Variants in TRAPPC9 observed in about 807,000 individuals in gnomAD.
The protein encoded by TRAPPC9 is IKK2 binding protein.
In TRAPPC9, 83 loss-of-function variants were observed where a neutral mutation model predicts 124.0. The ratio of observed to expected loss-of-function variants is 0.67; its 90% CI spans 0.56 to 0.80. The LOEUF (loss-of-function observed/expected upper bound fraction) is 0.80, where lower values mean the gene tolerates loss of function less well. Among genes scored for constraint, TRAPPC9 ranks in the 30% least tolerant of loss-of-function variants. TRAPPC9 has a pLI of 0.00. For synonymous variants in TRAPPC9, 638 were observed against 617.5 expected (o/e 1.03, Z -0.49); for missense variants, 1,302 against 1,508.3 (o/e 0.86, Z 2.27).
upstream of TRAPPC9, chr8:140,458,321 T>A: frequency 6.4e-7 from 1 of 1,573,766 alleles, no homozygotes; most frequent in South Asian, 1.2e-5. Context: ...ACTTCCTCTG[T>A]GAAGCTCAGG....
chr8:140,043,125 T>C (rs1029223488), intron 17 of TRAPPC9, among the ~76,000 whole-genome samples: 1 of 152,222 alleles, frequency 6.6e-6, no homozygotes, highest in African/African-American at 2.4e-5. Context: ...TGAGGAACGC[T>C]GCTCTAAACC....
Position 139,880,185 on chromosome 8 carries a change from C to T in TRAPPC9, c.3055+5694G>A, listed in dbSNP as rs1229691810. ...AGATGCCATTCAACTCAGCTGAGGT[C>T]CCTGCAGGCTTTCACTGTGATCTTG... On this transcript the variant is annotated intron_variant, in intron 21 of 22. Transcript: ENST00000438773. Among the ~76,000 whole-genome samples, 12 of 152,226 alleles carry T rather than the reference C, an allele frequency of 7.9e-5. No homozygotes were observed. In the South Asian group the frequency reaches 1.9e-3, roughly 24 times the overall value.
chr8:139,755,179 C>T (rs754208484), intron 21 of TRAPPC9, among the ~76,000 whole-genome samples: 4 of 152,260 alleles, frequency 2.6e-5, no homozygotes, highest in South Asian at 4.1e-4. Flanking sequence ...CTGGCACCCT[C>T]CAGGTCCTCG....
chr8:140,357,312 T>C (rs2067782689), intron 9 of TRAPPC9, among the ~76,000 whole-genome samples: 1 of 151,290 alleles, frequency 6.6e-6, no homozygotes, highest in Non-Finnish European at 1.5e-5. Flanking sequence ...GCTGAAGAAG[T>C]TCAAGATGCA....
chr8:140,451,445 TG>T (rs2071460933), intron 1 of TRAPPC9, 62 bp from the exon 2 acceptor site: 2 of 1,392,676 alleles, frequency 1.4e-6, no homozygotes, highest in South Asian at 2.4e-5. Context: ...GAGCCTACCC[TG>T]GGAGGCAGTG....
rs1161292404 is a variant in TRAPPC9, at chr8:140,353,079, C to T, written c.1495+6971G>A. Among the ~76,000 whole-genome samples, 4 of 152,154 alleles carry T rather than the reference C, an allele frequency of 2.6e-5. No individual in the cohort carries two copies. The highest frequency in any genetic ancestry group is 5.9e-5 in the Non-Finnish European group (4 of 68,022). On this transcript the variant is annotated intron_variant, in intron 9 of 22. Coordinates refer to ENST00000438773, the MANE Select transcript of TRAPPC9 (RefSeq NM_001160372.4). The surrounding 1 kb of genome is among the most constrained non-coding windows in gnomAD (Gnocchi z 4.2). ...GGTTTTCGAGAAAACACCATCTACCCAGAGGCCTCCAGAAAGACACTGGAC... is the reference window on the plus strand; with the variant it reads ...GGTTTTCGAGAAAACACCATCTACCTAGAGGCCTCCAGAAAGACACTGGAC...
chr8:139,902,080 T>C (rs1218086194), intron 20 of TRAPPC9, among the ~76,000 whole-genome samples: 1 of 152,202 alleles, frequency 6.6e-6, no homozygotes. Context: ...ATGTCCAACA[T>C]GTACCTGATC....
intron 20 of TRAPPC9, among the ~76,000 whole-genome samples, chr8:139,895,067 G>A (rs372239985): frequency 2.6e-5 from 4 of 152,166 alleles, no homozygotes; most frequent in Non-Finnish European, 4.4e-5. Flanking sequence ...CACACGTCCC[G>A]GGCTACTCGG....
At chr8:139,797,033 C>A (rs1431695472) in intron 21 of TRAPPC9, among the ~76,000 whole-genome samples, 2 of 152,186 alleles carry the variant, frequency 1.3e-5, no homozygotes, top group Non-Finnish European at 2.9e-5. Flanking sequence ...GCTGCTTGGC[C>A]ATTTATATTG....
intron 19 of TRAPPC9, among the ~76,000 whole-genome samples, chr8:139,987,725 G>C (rs1279070575): frequency 1.3e-5 from 2 of 152,168 alleles, no homozygotes; most frequent in African/African-American, 4.8e-5. Flanking sequence ...GGCTGGGCTT[G>C]GAAGCACAGC....
At chr8:140,326,818 C>T (rs1448781940) in intron 9 of TRAPPC9, among the ~76,000 whole-genome samples, 1 of 152,126 alleles carries the variant, frequency 6.6e-6, no homozygotes, top group Non-Finnish European at 1.5e-5. Flanking sequence ...GAGGTCAAGG[C>T]TGCAGTGAGT....
intron 1 of TRAPPC9, chr8:140,456,953 G>T (rs2071689828): frequency 2.6e-6 from 1 of 383,022 alleles, no homozygotes; most frequent in Non-Finnish European, 3.6e-6. Context: ...TGGGCTGACA[G>T]GGAGAAGACC....
intron 17 of TRAPPC9, among the ~76,000 whole-genome samples, chr8:140,036,485 G>GA (rs59494950): frequency 2.6e-5 from 4 of 151,908 alleles, no homozygotes; most frequent in South Asian, 2.1e-4. Flanking sequence ...ATTCTTGACC[G>GA]AAAAAAAATG....
chr8:139,962,745 C>T (rs1835422691), intron 19 of TRAPPC9, among the ~76,000 whole-genome samples: 1 of 123,972 alleles, frequency 8.1e-6, no homozygotes, highest in Non-Finnish European at 1.9e-5. Flanking sequence ...AGCTCCCTCC[C>T]CTGTCAGCTC....
chr8:140,199,409 C>T (rs1232621644), intron 17 of TRAPPC9, among the ~76,000 whole-genome samples: 1 of 152,094 alleles, frequency 6.6e-6, no homozygotes, highest in Non-Finnish European at 1.5e-5. Flanking sequence ...TATTAACCAA[C>T]GTCACTGGAG....
At chr8:140,021,902 C>A (rs932769210) in intron 18 of TRAPPC9, among the ~76,000 whole-genome samples, 1 of 152,206 alleles carries the variant, frequency 6.6e-6, no homozygotes, top group African/African-American at 2.4e-5. Flanking sequence ...AGAGAGAGAA[C>A]AGTGTTAGAA....
intron 11 of TRAPPC9, among the ~76,000 whole-genome samples, chr8:140,295,414 A>C (rs2065778810): frequency 6.6e-6 from 1 of 152,234 alleles, no homozygotes; most frequent in Non-Finnish European, 1.5e-5. Flanking sequence ...CTGCAGGGCC[A>C]GGGTGCAGCC....
intron 7 of TRAPPC9, among the ~76,000 whole-genome samples, chr8:140,380,290 A>G (rs945334927): frequency 7.2e-5 from 11 of 152,236 alleles, no homozygotes; most frequent in Admixed American, 5.9e-4. Flanking sequence ...ATTTTCCACA[A>G]GAGTGCCAAT....
At chr8:139,919,650 T>C (rs529387084) in intron 19 of TRAPPC9, among the ~76,000 whole-genome samples, 12 of 152,226 alleles carry the variant, frequency 7.9e-5, no homozygotes, top group South Asian at 2.1e-4. Flanking sequence ...TTTTCACCCA[T>C]TGACCTGTGT....
Sources: allele counts gnomAD v4.1 joint callset (sites outside exome capture counted in the v4.1 genomes callset), GRCh38; gene constraint gnomAD v4.1.1; non-coding constraint Gnocchi (gnomAD v3.1); transcripts MANE v1.5; gene names NCBI Gene and HGNC (gene_info 2026-07-23, HGNC 2026-07-21).